CACNA2D4: variants seen among roughly 807,000 people sequenced by gnomAD.
CACNA2D4 encodes the protein voltage-dependent calcium channel subunit alpha-2/delta-4.
CACNA2D4 carries 157 observed loss-of-function variants against 163.8 expected under a neutral mutation model. That is an observed-to-expected ratio of 0.96 (90% CI 0.84 to 1.09). The LOEUF (loss-of-function observed/expected upper bound fraction) is 1.09, where lower values mean the gene tolerates loss of function less well. CACNA2D4 is among the 50% of genes least tolerant of loss of function. The probability of loss-of-function intolerance (pLI) is 0.00; values close to 1 mark genes in which losing one functional copy is unlikely to be tolerated. For missense variants in CACNA2D4, 1,410 were observed against 1,479.9 expected, an observed-to-expected ratio of 0.95 and a Z score of 0.78; for synonymous variants, 598 against 586.9, an observed-to-expected ratio of 1.02 and a Z score of -0.27.
chr12:1,826,410 C>CTG (rs1555177895), intron 26 of CACNA2D4, among the ~76,000 whole-genome samples: 2 of 79,246 alleles, frequency 2.5e-5, no homozygotes, highest in African/African-American at 7.1e-5. Flanking sequence ...GCCCCCCCCC[C>CTG]CCCCCCGCCA....
chr12:1,826,010 G>A (rs1384468856), intron 26 of CACNA2D4, among the ~76,000 whole-genome samples: 6 of 152,196 alleles, frequency 3.9e-5, no homozygotes, highest in African/African-American at 1.2e-4. Flanking sequence ...GCAGGCCTGC[G>A]AGGGCCGTAG....
Position 1,846,597 on chromosome 12 carries a change from T to G in CACNA2D4, c.2339A>C (p.Asp780Ala). Residue 780 changes from aspartate to alanine, a missense_variant, in exon 24 of 38, where the codon GAC becomes GCC. Coordinates refer to ENST00000382722, the MANE Select transcript of CACNA2D4 (RefSeq NM_172364.5). Reference sequence around the variant, plus strand: ...CGAGGTGGCCGGCCCAACCCACCTGTCGGAGACCTTCTCGGAGCCCACGAA... The same window carrying G: ...CGAGGTGGCCGGCCCAACCCACCTGGCGGAGACCTTCTCGGAGCCCACGAA... The part of the protein sequence containing the change: ...SLFVGSEKVS[D>A]RKFLTPEDEA... 1.3e-6 allele frequency: 2 copies of G among 1,593,366 alleles called. No individual in the cohort carries two copies. Among genetic ancestry groups the G allele is most frequent in the African/African-American group, 2.7e-5 (2 of 74,710 alleles).
rs182021586 is a variant in CACNA2D4 at position 1,793,637 on chromosome 12, A to C, written c.*18T>G. ...TGGAAGGATCACCTTGCCAAAACAC[A>C]GGTCAGGCTGGGTGGTGTCACCGCA... On this transcript the variant is annotated 3_prime_UTR_variant, in exon 38 of 38. Coordinates refer to ENST00000382722, the MANE Select transcript of CACNA2D4 (RefSeq NM_172364.5). The C allele has an allele frequency of 6.2e-5, 100 of 1,607,378 alleles. No homozygotes were observed. In the African/African-American group the frequency reaches 1.3e-3, roughly 20 times the overall value.
chr12:1,834,452 G>A lies in CACNA2D4; in HGVS notation c.2551+6287C>T, dbSNP rs760133119. 2.2e-5 allele frequency: 35 copies of A among 1,611,714 alleles called. No homozygotes were observed. The East Asian group carries it at 3.3e-4, about 15-fold the overall frequency. Reference sequence around the variant, plus strand: ...TCCAGAGCCTGCTAAGCCCAAGCCCGGGGCTGAGCCGGAGCCGGAGCCCAG... The same window carrying A: ...TCCAGAGCCTGCTAAGCCCAAGCCCAGGGCTGAGCCGGAGCCGGAGCCCAG... On this transcript the variant is annotated intron_variant, in intron 26 of 37. Transcript: ENST00000382722. This position sits in a 1 kb window ranked among gnomAD's most constrained non-coding sequence, Gnocchi z 7.6.
In CACNA2D4 at chr12:1,828,060, C is replaced by T. The variant is rs1303604692; in HGVS notation, c.2551+12679G>A. 37 of 1,300,564 alleles carry T rather than the reference C, an allele frequency of 2.8e-5. No homozygotes were observed. The East Asian group carries it at 1.0e-3, about 35-fold the overall frequency. The allele number at this position is 1,300,564 out of a possible 1,614,324, so 80.6% of individuals were successfully genotyped here. On this transcript the variant is annotated intron_variant, in intron 26 of 37. Transcript: ENST00000382722. The surrounding 1 kb of genome is among the most constrained non-coding windows in gnomAD (Gnocchi z 4.2). ...CTCCCGCGCCTGCCTGTGCTCAGTG[C>T]TCCTCCCTCCCTCAGGACTGACAGG...
chr12:1,831,462 C>T, intron 26 of CACNA2D4: 13 of 1,614,062 alleles, frequency 8.1e-6, no homozygotes, highest in Non-Finnish European at 1.1e-5. Flanking sequence ...CGGGGATAAC[C>T]CCTGGGAGTG....
chr12:1,915,635 G>A (rs1472862742), intron 1 of CACNA2D4, among the ~76,000 whole-genome samples: 1 of 152,224 alleles, frequency 6.6e-6, no homozygotes, highest in African/African-American at 2.4e-5. Context: ...TGAGGGCAGG[G>A]CAGGCCAGGA....
At chr12:1,911,317 ATTT>A (rs926103974) in intron 3 of CACNA2D4, among the ~76,000 whole-genome samples, 1 of 151,258 alleles carries the variant, frequency 6.6e-6, no homozygotes, top group African/African-American at 2.4e-5. Flanking sequence ...GCCTGGCACA[ATTT>A]TTTTTTCTTT....
chr12:1,796,929 C>T (rs996551773), intron 35 of CACNA2D4, among the ~76,000 whole-genome samples: 3 of 152,230 alleles, frequency 2.0e-5, no homozygotes, highest in Non-Finnish European at 4.4e-5. Context: ...ACAGAGGCTG[C>T]CCGCGGGGCT....
Position 1,832,224 on chromosome 12 carries a change from C to T in CACNA2D4, c.2551+8515G>A, listed in dbSNP as rs572225523. Reference sequence around the variant, plus strand: ...GAGGGCCAGGTCTGCGTCTGAATTTCGGCTCTGCCACCTGCCAGCTGTGTG... The same window carrying T: ...GAGGGCCAGGTCTGCGTCTGAATTTTGGCTCTGCCACCTGCCAGCTGTGTG... On this transcript the variant is annotated intron_variant, in intron 26 of 37. Transcript: ENST00000382722. Among the ~76,000 whole-genome samples, 6 of 152,292 alleles carry T rather than the reference C, an allele frequency of 3.9e-5. No individual in the cohort carries two copies. In the South Asian group the frequency reaches 8.3e-4, roughly 21 times the overall value.
Position 1,847,899 on chromosome 12 carries a change from T to TA in CACNA2D4, c.2247-1211dup, listed in dbSNP as rs375682843. On this transcript the variant is annotated intron_variant, in intron 23 of 37. Coordinates refer to ENST00000382722, the MANE Select transcript of CACNA2D4 (RefSeq NM_172364.5). The stretch of plus-strand genomic sequence containing the variant: ...AAACTTCGATGCCATTATTACACCT[T>TA]AAAAAAACCTGACAATTCATTAATA... Among the ~76,000 whole-genome samples the TA allele has an allele frequency of 2.3e-3, 357 of 152,290 alleles. 2 individuals are homozygous for TA. The highest frequency in any genetic ancestry group is 8.3e-3 in the African/African-American group (344 of 41,550).
At position 1,828,301 on chromosome 12, in the gene CACNA2D4, CCACA is replaced by C; in HGVS notation, c.2551+12434_2551+12437del. The C allele has an allele frequency of 8.3e-7, 1 of 1,206,004 alleles. No individual in the cohort carries two copies. Among genetic ancestry groups the C allele is most frequent in the Admixed American group, 2.6e-5 (1 of 38,410 alleles). The allele number at this position is 1,206,004 out of a possible 1,614,324, so 74.7% of individuals were successfully genotyped here. A position where few individuals can be genotyped will look rare whatever the true frequency, so the allele number is the denominator to read the frequency against. On this transcript the variant is annotated intron_variant, in intron 26 of 37. Transcript: ENST00000382722. The surrounding 1 kb of genome is among the most constrained non-coding windows in gnomAD (Gnocchi z 4.2). ...TAGGTAGCGCCATATGGGACCTTAG[CCACA>C]CTCAGGCTGCAGGGAGGCCTACGCC...
intron 35 of CACNA2D4, among the ~76,000 whole-genome samples, chr12:1,797,140 C>T (rs1863153003): frequency 1.3e-5 from 2 of 152,208 alleles, no homozygotes; most frequent in Non-Finnish European, 1.5e-5. Flanking sequence ...GCGGGGTGGG[C>T]TCGACACACA....
At position 1,875,292 on chromosome 12, in the gene CACNA2D4, C is replaced by T; in HGVS notation, c.1765G>A (p.Val589Met). The T allele has an allele frequency of 6.2e-7, 1 of 1,613,930 alleles. No homozygotes were observed. Among genetic ancestry groups the T allele is most frequent in the Non-Finnish European group, 8.5e-7 (1 of 1,179,812 alleles). Residue 589 changes from valine to methionine, a missense_variant, in exon 17 of 38, where the codon GTG (valine) becomes ATG (methionine). Physicochemically the swap from Val to Met is conservative, Grantham distance 21 (BLOSUM62 1). Transcript: ENST00000382722. This position sits in a 1 kb window ranked among gnomAD's most constrained non-coding sequence, Gnocchi z 4.0. ...TCCCACTCCACTTCGGAGAGATCCA[C>T]ACTGTTGTAGTTAGGTTTGGGTTTT... ...KLKPKPNYNS[V>M]DLSEVEWEDQ...
intron 35 of CACNA2D4, among the ~76,000 whole-genome samples, chr12:1,797,074 A>T (rs967135750): frequency 6.6e-6 from 1 of 151,206 alleles, no homozygotes. Flanking sequence ...GCTGGGGGAG[A>T]CCCGCCGAAG....
intron 6 of CACNA2D4, among the ~76,000 whole-genome samples, chr12:1,906,292 G>A (rs2154451895): frequency 6.6e-6 from 1 of 152,158 alleles, no homozygotes; most frequent in Non-Finnish European, 1.5e-5. Flanking sequence ...CAAAGGCAAA[G>A]AAAACAAAAG....
intron 6 of CACNA2D4, among the ~76,000 whole-genome samples, chr12:1,902,300 A>T (rs1169241461): frequency 6.6e-6 from 1 of 152,112 alleles, no homozygotes. Context: ...TAAGATCTGG[A>T]ACAAGACAAG....
rs772463470 is a variant in CACNA2D4 at position 1,795,320 on chromosome 12, G to A, written c.3288C>T (p.Ser1096=). 6.2e-7 allele frequency: 1 copy of A among 1,613,172 alleles called. No individual in the cohort carries two copies. Among genetic ancestry groups the A allele is most frequent in the Non-Finnish European group, 8.5e-7 (1 of 1,179,880 alleles). The part of the protein sequence containing the change: ...RSQKLRRRPD[S]CHAFHPEENA... ...GCACCTCTGGATGGAAGGCGTGGCA[G>A]GAGTCTGGTCGCCGGCGGAGCTTCT... Residue 1096 remains serine, a synonymous_variant, in exon 37 of 38, where the codon TCC becomes TCT. Transcript: ENST00000382722.
intron 26 of CACNA2D4, among the ~76,000 whole-genome samples, chr12:1,832,385 A>G (rs1429244491): frequency 4.6e-5 from 7 of 152,248 alleles, no homozygotes; most frequent in Admixed American, 4.6e-4. Context: ...AGAGGTGCCC[A>G]GCACAAAGTG....
Sources: allele counts gnomAD v4.1 joint callset (sites outside exome capture counted in the v4.1 genomes callset), GRCh38; gene constraint gnomAD v4.1.1; non-coding constraint Gnocchi (gnomAD v3.1); transcripts MANE v1.5; gene names NCBI Gene and HGNC (gene_info 2026-07-23, HGNC 2026-07-21).